The following CD22 variants were observed in gnomAD, a reference collection of about 807,000 sequenced individuals.
The protein encoded by CD22 is CD22 molecule.
Under a neutral mutation model 94.7 loss-of-function variants are expected in CD22, and 51 were observed. That is an observed-to-expected ratio of 0.54 (90% CI 0.43 to 0.68). The LOEUF is 0.68. CD22 is among the 30% of genes least tolerant of loss of function. CD22 has a pLI of 0.00. For missense variants in CD22, 931 were observed against 1,060.4 expected, an observed-to-expected ratio of 0.88 and a Z score of 1.69; for synonymous variants, 424 against 422.5, an observed-to-expected ratio of 1.00 and a Z score of -0.04.
chr19:35,341,406 C>T lies in CD22; in HGVS notation c.1571C>T (p.Ser524Leu), dbSNP rs186150811. 37 of 1,613,904 alleles carry T rather than the reference C, an allele frequency of 2.3e-5. No individual in the cohort carries two copies. Among genetic ancestry groups the T allele is most frequent in the South Asian group, 9.9e-5 (9 of 91,072 alleles). Reference protein sequence around the residue: ...KPLSEIHSGNSVSLQCDFSSS... With the variant: ...KPLSEIHSGNLVSLQCDFSSS... Reference sequence around the variant, plus strand: ...CTTTCCGAGATTCACTCTGGAAACTCGGTCAGCCTCCAATGTGACTTCTCA... The same window carrying T: ...CTTTCCGAGATTCACTCTGGAAACTTGGTCAGCCTCCAATGTGACTTCTCA... The change falls in exon 8 of 14, where the codon TCG becomes TTG. Residue 524 changes from serine to leucine, a missense_variant. Coordinates refer to ENST00000085219, the MANE Select transcript of CD22 (RefSeq NM_001771.4). The surrounding 1 kb of genome is among the most constrained non-coding windows in gnomAD (Gnocchi z 4.0).
chr19:35,340,448 A>G (rs879508041), intron 6 of CD22, among the ~76,000 whole-genome samples: 2 of 151,906 alleles, frequency 1.3e-5, no homozygotes, highest in Admixed American at 1.3e-4. Flanking sequence ...ATGCATAGCT[A>G]ATTTTTAAAA....
At chr19:35,343,093 C>T (rs1363286974) in intron 9 of CD22, among the ~76,000 whole-genome samples, 4 of 150,360 alleles carry the variant, frequency 2.7e-5, no homozygotes, top group African/African-American at 7.4e-5. Context: ...CCACCGCACC[C>T]GGCTGATTTT....
At chr19:35,336,453 C>T in intron 4 of CD22, 112 bp downstream of exon 4, 1 of 986,222 alleles carries the variant, frequency 1.0e-6, no homozygotes, top group East Asian at 2.6e-5. Context: ...ACGGCGGCAT[C>T]CTCCAGCCCT....
At position 35,345,073 on chromosome 19, in the gene CD22, C is replaced by A; in HGVS notation, c.2155C>A (p.Gln719Lys). The change falls in exon 11 of 14, where the codon CAG becomes AAG. Residue 719 changes from glutamine to lysine, a missense_variant. Physicochemically the swap from Gln to Lys is moderately conservative, Grantham distance 53. Transcript: ENST00000085219. Reference protein sequence around the residue: ...QRRWKRTQSQQGLQENSSGQS... With the variant: ...QRRWKRTQSQKGLQENSSGQS... ...CAGTTGGAAGAGGACACAGAGCCAGCAGGGGCTTCAGGAGAATTCCAGCGG... is the reference window on the plus strand; with the variant it reads ...CAGTTGGAAGAGGACACAGAGCCAGAAGGGGCTTCAGGAGAATTCCAGCGG... 6.2e-7 allele frequency: 1 copy of A among 1,614,010 alleles called. No individual in the cohort carries two copies. Among genetic ancestry groups the A allele is most frequent in the Non-Finnish European group, 8.5e-7 (1 of 1,179,966 alleles).
chr19:35,345,716 A>C lies in CD22; in HGVS notation c.2323A>C (p.Thr775Pro), dbSNP rs752332513. 5.6e-6 allele frequency: 9 copies of C among 1,598,742 alleles called. No homozygotes were observed. The highest frequency in any genetic ancestry group is 7.7e-6 in the Non-Finnish European group (9 of 1,166,056). Residue 775 changes from threonine (T) to proline (P), a missense_variant, in exon 12 of 14, where the codon ACT becomes CCT. Physicochemically the swap from Thr to Pro is conservative, Grantham distance 38. Coordinates refer to ENST00000085219, the MANE Select transcript of CD22 (RefSeq NM_001771.4). ...CTTTCCCGAGATGAACATACCACGAACTGGGTACTGAGGGTACCAGGAGGG... is the reference window on the plus strand; with the variant it reads ...CTTTCCCGAGATGAACATACCACGACCTGGGTACTGAGGGTACCAGGAGGG... ...LRFPEMNIPR[T>P]GDAESSEMQR...
intron 3 of CD22, among the ~76,000 whole-genome samples, chr19:35,334,519 G>A (rs1371975121): frequency 6.6e-6 from 1 of 152,220 alleles, no homozygotes; most frequent in African/African-American, 2.4e-5. Flanking sequence ...CTGCCACAGG[G>A]AGTGTGGTCA....
chr19:35,345,430 A>C (rs1406893483), intron 11 of CD22, 172 bp from the exon 12 acceptor site: 94 of 536,740 alleles, frequency 1.8e-4, no homozygotes, highest in East Asian at 2.2e-4. Context: ...CAAAAAAAAA[A>C]AAAAAAAAAA....
chr19:35,337,891 G>C lies in CD22; in HGVS notation c.855G>C (p.Ser285=). 6.2e-7 allele frequency: 1 copy of C among 1,614,188 alleles called. No homozygotes were observed. The highest frequency in any genetic ancestry group is 8.5e-7 in the Non-Finnish European group (1 of 1,180,040). Residue 285 remains serine (S), a synonymous_variant, in exon 5 of 14, where the codon TCG becomes TCC. Transcript: ENST00000085219. The surrounding 1 kb of genome is among the most constrained non-coding windows in gnomAD (Gnocchi z 4.4). ...TTVSWLKDGT[S]LKKQNTFTLN... Reference sequence around the variant, plus strand: ...TATCCTGGCTCAAGGATGGGACCTCGCTGAAGAAGCAGAATACATTCACGC... The same window carrying C: ...TATCCTGGCTCAAGGATGGGACCTCCCTGAAGAAGCAGAATACATTCACGC...
At chr19:35,331,954 C>A in intron 1 of CD22, 65 bp from the exon 2 acceptor site, 1 of 1,610,502 alleles carries the variant, frequency 6.2e-7, no homozygotes, top group Non-Finnish European at 8.5e-7. Flanking sequence ...AGTGGGTGAG[C>A]AAGAAAAGCC....
intron 2 of CD22, 200 bp downstream of exon 2, chr19:35,332,274 C>T (rs1488648696): frequency 3.1e-6 from 2 of 644,648 alleles, no homozygotes; most frequent in Non-Finnish European, 5.3e-6. Flanking sequence ...CTTTGTGTAT[C>T]TCTGTATTTC....
intron 9 of CD22, among the ~76,000 whole-genome samples, chr19:35,342,627 G>T (rs2066833197): frequency 2.0e-5 from 3 of 151,954 alleles, no homozygotes; most frequent in African/African-American, 7.3e-5. Flanking sequence ...GAGTCGTCTT[G>T]TCCTGCGTCA....
intron 9 of CD22, 148 bp downstream of exon 9, chr19:35,342,113 T>TC (rs1439006259): frequency 2.9e-5 from 19 of 652,340 alleles, no homozygotes; most frequent in East Asian, 5.5e-5. Context: ...TCTTCCTCCT[T>TC]CTTCTTCTTC....
rs758996142 is a variant in CD22, at chr19:35,346,701, T to C, written c.*4T>C. 5.3e-5 allele frequency: 85 copies of C among 1,602,860 alleles called. No individual in the cohort carries two copies. Among genetic ancestry groups the C allele is most frequent in the Non-Finnish European group, 7.0e-5 (82 of 1,173,488 alleles). On this transcript the variant is annotated 3_prime_UTR_variant, in exon 14 of 14. Coordinates refer to ENST00000085219, the MANE Select transcript of CD22 (RefSeq NM_001771.4). ...CTATGTGATCCTCAAACATTGACAC[T>C]GGATGGGCTGCAGCAGAGGCACTGG... is the stretch of plus-strand genomic sequence containing the variant.
Position 35,341,179 on chromosome 19 carries a change from C to G in CD22, c.1507+41C>G. 6.2e-7 allele frequency: 1 copy of G among 1,611,776 alleles called. No individual in the cohort carries two copies. Among genetic ancestry groups the G allele is most frequent in the Non-Finnish European group, 8.5e-7 (1 of 1,178,236 alleles). Reference sequence around the variant, plus strand: ...AGGCAGGGGGATCTGGGAGGTGGCCCGGCTGGGATGAGGGGATGAAGGCAA... The same window carrying G: ...AGGCAGGGGGATCTGGGAGGTGGCCGGGCTGGGATGAGGGGATGAAGGCAA... On this transcript the variant is annotated intron_variant, in intron 7 of 13. Transcript: ENST00000085219. The surrounding 1 kb of genome is among the most constrained non-coding windows in gnomAD (Gnocchi z 4.0).
intron 9 of CD22, among the ~76,000 whole-genome samples, chr19:35,342,852 C>A (rs2066837674): frequency 6.6e-6 from 1 of 152,150 alleles, no homozygotes; most frequent in African/African-American, 2.4e-5. Context: ...GATCTGTCAC[C>A]CAGGCTGGAG....
chr19:35,338,713 C>T (rs1259187635), intron 6 of CD22, among the ~76,000 whole-genome samples: 1 of 151,974 alleles, frequency 6.6e-6, no homozygotes, highest in African/African-American at 2.4e-5. Flanking sequence ...ACTGCAAGCT[C>T]CACCTTCCCG....
At chr19:35,336,698 G>A (rs1312267131) in intron 4 of CD22, 2 of 271,822 alleles carry the variant, frequency 7.4e-6, no homozygotes, top group Non-Finnish European at 1.4e-5. Flanking sequence ...CCAATGGGGG[G>A]CATGGGGCGG....
rs887485699 is a variant in CD22 at position 35,337,462 on chromosome 19, G to T, written c.719-293G>T. ...GAGATGGAGCAGGACTCTGGATCCC[G>T]AGGGCTGAGGTGAGGGTTTGGGATT... is the stretch of plus-strand genomic sequence containing the variant. On this transcript the variant is annotated intron_variant, in intron 4 of 13. Transcript: ENST00000085219. This position sits in a 1 kb window ranked among gnomAD's most constrained non-coding sequence, Gnocchi z 4.4. 6.6e-6 allele frequency among the ~76,000 whole-genome samples: 1 copy of T among 152,136 alleles called. No homozygotes were observed. The highest frequency in any genetic ancestry group is 2.4e-5 in the African/African-American group (1 of 41,414).
At position 35,346,834 on chromosome 19, in the gene CD22, A is replaced by ACT; in HGVS notation, c.*138_*139insTC. On this transcript the variant is annotated 3_prime_UTR_variant, in exon 14 of 14. Coordinates refer to ENST00000085219, the MANE Select transcript of CD22 (RefSeq NM_001771.4). The stretch of plus-strand genomic sequence containing the variant: ...CACACACACGCACACACACACACAC[A>ACT]CACTCACTGCGGAGAACCTTGTGCC... The ACT allele has an allele frequency of 1.2e-6, 1 of 843,816 alleles. No homozygotes were observed. The highest frequency in any genetic ancestry group is 1.8e-6 in the Non-Finnish European group (1 of 560,228). The allele number at this position is 843,816 out of a possible 1,614,324, so 52.3% of individuals were successfully genotyped here.
Sources: gnomAD v4.1 joint callset for allele counts (sites outside exome capture counted in the v4.1 genomes callset) on GRCh38, gnomAD v4.1.1 for gene constraint, Gnocchi (gnomAD v3.1) non-coding constraint, MANE v1.5 for transcripts, NCBI Gene and HGNC (gene_info 2026-07-23, HGNC 2026-07-21) for gene names.